The following PTPN4 variants were observed in gnomAD, a reference collection of about 807,000 sequenced individuals.
PTPN4 encodes the protein tyrosine-protein phosphatase non-receptor type 4.
Under a neutral mutation model 135.5 loss-of-function variants are expected in PTPN4, and 49 were observed. That is an observed-to-expected ratio of 0.36 (90% confidence interval 0.29 to 0.46). PTPN4 has a LOEUF of 0.46. Among genes scored for constraint, PTPN4 ranks in the 20% least tolerant of loss-of-function variants. PTPN4 has a pLI of 1.00. For missense variants in PTPN4, 860 were observed against 1,101.0 expected (o/e 0.78, Z 3.10); for synonymous variants, 333 against 369.9 (o/e 0.90, Z 1.14).
At chr2:119,764,282 T>G (rs868505710) in intron 1 of PTPN4, among the ~76,000 whole-genome samples, 1 of 152,220 alleles carries the variant, frequency 6.6e-6, no homozygotes, top group Non-Finnish European at 1.5e-5. Context: ...AAAGGCCATA[T>G]TTTAACATGC....
intron 1 of PTPN4, among the ~76,000 whole-genome samples, chr2:119,805,113 G>A (rs1282904689): frequency 1.3e-5 from 2 of 152,044 alleles, no homozygotes; most frequent in African/African-American, 2.4e-5. Flanking sequence ...CATATCCTTT[G>A]CCCACTTTTT....
chr2:119,797,568 A>T (rs1427704949), intron 1 of PTPN4, among the ~76,000 whole-genome samples: 1 of 152,184 alleles, frequency 6.6e-6, no homozygotes, highest in Non-Finnish European at 1.5e-5. Flanking sequence ...GGTCAAGAAG[A>T]TCCAGCTGAT....
At chr2:119,787,103 A>G (rs1404592291) in intron 1 of PTPN4, among the ~76,000 whole-genome samples, 1 of 152,142 alleles carries the variant, frequency 6.6e-6, no homozygotes, top group East Asian at 1.9e-4. Flanking sequence ...ACACGTGTGC[A>G]TGTGTGTGCA....
At chr2:119,842,841 T>G (rs1677401991) in intron 2 of PTPN4, among the ~76,000 whole-genome samples, 1 of 151,892 alleles carries the variant, frequency 6.6e-6, no homozygotes, top group African/African-American at 2.4e-5. Context: ...CTATCACCAG[T>G]TTTTACATGC....
At chr2:119,916,230 C>T in intron 11 of PTPN4, 1 of 147,486 alleles carries the variant, frequency 6.8e-6, no homozygotes, top group Non-Finnish European at 1.5e-5. Flanking sequence ...CCTTTGGGTA[C>T]AGTGGTGGCT....
intron 1 of PTPN4, among the ~76,000 whole-genome samples, chr2:119,765,428 C>T (rs1349136043): frequency 4.6e-5 from 7 of 152,128 alleles, no homozygotes; most frequent in Admixed American, 3.9e-4. Context: ...TATTTCTGTG[C>T]CAGATCTCTC....
chr2:119,877,559 A>G lies in PTPN4; in HGVS notation c.368+17A>G. Reference sequence around the variant, plus strand: ...ATATACAAGGTGGGTTTATGGATATATTTTTCTTGAAAATATTGTCAAAAC... The same window carrying G: ...ATATACAAGGTGGGTTTATGGATATGTTTTTCTTGAAAATATTGTCAAAAC... On this transcript the variant is annotated intron_variant, in intron 5 of 26. Transcript: ENST00000263708. 1.3e-6 allele frequency: 2 copies of G among 1,563,526 alleles called. No individual in the cohort carries two copies. The highest frequency in any genetic ancestry group is 2.4e-5 in the South Asian group (2 of 82,390).
At chr2:119,968,274 A>G (rs995711186) in intron 26 of PTPN4, among the ~76,000 whole-genome samples, 1 of 152,204 alleles carries the variant, frequency 6.6e-6, no homozygotes, top group Admixed American at 6.5e-5. Flanking sequence ...TTTCTAAAAT[A>G]TATTTAATAT....
chr2:119,976,292 C>T (rs1183368545), intron 26 of PTPN4, among the ~76,000 whole-genome samples: 3 of 152,058 alleles, frequency 2.0e-5, no homozygotes, highest in South Asian at 2.1e-4. Context: ...CCACCGCACC[C>T]GGCCAAGAAA....
intron 24 of PTPN4, among the ~76,000 whole-genome samples, chr2:119,964,671 T>G (rs1436094151): frequency 6.6e-6 from 1 of 152,192 alleles, no homozygotes; most frequent in Non-Finnish European, 1.5e-5. Flanking sequence ...ATATAGAAAT[T>G]GAGTTATAAA....
chr2:119,900,740 T>A lies in PTPN4; in HGVS notation c.698T>A (p.Met233Lys). The change falls in exon 10 of 27, where the codon ATG becomes AAG. Residue 233 changes from methionine to lysine, a missense_variant. By Grantham distance (95) the Met-to-Lys change is moderately conservative. Transcript: ENST00000263708. The stretch of plus-strand genomic sequence containing the variant: ...AAGGATCAGAGTAACAATGAAATTA[T>A]GATTGGAGTGATGTCAGGAGGAATT... ...YARDQSNNEIMIGVMSGGILI... is the reference protein window; with the variant it reads ...YARDQSNNEIKIGVMSGGILI... 6.3e-7 allele frequency: 1 copy of A among 1,581,562 alleles called. No individual in the cohort carries two copies. Among genetic ancestry groups the A allele is most frequent in the Non-Finnish European group, 8.6e-7 (1 of 1,163,146 alleles).
intron 2 of PTPN4, among the ~76,000 whole-genome samples, chr2:119,833,449 G>A (rs964312255): frequency 4.6e-5 from 7 of 151,722 alleles, no homozygotes; most frequent in African/African-American, 7.3e-5. Context: ...AAATCCTTTT[G>A]TATCTTTAAT....
chr2:119,906,898 A>G (rs190871795), intron 10 of PTPN4, among the ~76,000 whole-genome samples: 127 of 152,344 alleles, frequency 8.3e-4, no homozygotes, highest in African/African-American at 3.0e-3. Flanking sequence ...AGAAAACCTG[A>G]TCATAAAGAA....
At chr2:119,777,825 T>A (rs1365422184) in intron 1 of PTPN4, among the ~76,000 whole-genome samples, 3 of 152,060 alleles carry the variant, frequency 2.0e-5, no homozygotes, top group Admixed American at 2.0e-4. Flanking sequence ...CAGCTAATTT[T>A]TTTTTTTCCC....
chr2:119,839,313 C>T (rs959474653), intron 2 of PTPN4, among the ~76,000 whole-genome samples: 1 of 152,128 alleles, frequency 6.6e-6, no homozygotes, highest in South Asian at 2.1e-4. Context: ...ATAGTAGATG[C>T]TCAATATATA....
At chr2:119,964,910 C>T (rs778762761) in intron 24 of PTPN4, among the ~76,000 whole-genome samples, 3 of 152,096 alleles carry the variant, frequency 2.0e-5, no homozygotes, top group East Asian at 1.9e-4. Flanking sequence ...CAATAACAGA[C>T]GAATACACTG....
rs946121344 is a variant in PTPN4 at position 119,981,299 on chromosome 2, A to T, written c.*4229A>T. The T allele has an allele frequency of 9.9e-5, 15 of 152,116 alleles. No homozygotes were observed. Among genetic ancestry groups the T allele is most frequent in the African/African-American group, 3.6e-4 (15 of 41,444 alleles). 9.4% of individuals were successfully genotyped at this position (152,116 alleles called of 1,614,324 possible). ...CTGCTTTGATGAAAGCTGGTGCATTATGTGAGCTGCCACAGTTAATACTTT... is the reference window on the plus strand; with the variant it reads ...CTGCTTTGATGAAAGCTGGTGCATTTTGTGAGCTGCCACAGTTAATACTTT... On this transcript the variant is annotated 3_prime_UTR_variant, in exon 27 of 27. Transcript: ENST00000263708.
intron 2 of PTPN4, among the ~76,000 whole-genome samples, chr2:119,834,987 T>C (rs1260578903): frequency 1.3e-5 from 2 of 152,236 alleles, no homozygotes; most frequent in African/African-American, 2.4e-5. Context: ...CTGACTTACA[T>C]ATAGACAGCA....
Position 119,983,557 on chromosome 2 carries a change from G to A in PTPN4, c.*6487G>A, listed in dbSNP as rs918161198. The A allele has an allele frequency of 6.6e-6, 1 of 152,022 alleles. No homozygotes were observed. The highest frequency in any genetic ancestry group is 1.5e-5 in the Non-Finnish European group (1 of 67,994). 9.4% of individuals were successfully genotyped at this position (152,022 alleles called of 1,614,324 possible). A position where few individuals can be genotyped will look rare whatever the true frequency, so the allele number is the denominator to read the frequency against. The stretch of plus-strand genomic sequence containing the variant: ...ATTTCAATGCTAAATTTGATTTTTT[G>A]AATTTTAAATAGTTGCACTTTATTT... On this transcript the variant is annotated 3_prime_UTR_variant, in exon 27 of 27. Transcript: ENST00000263708.
Sources: gnomAD v4.1 joint callset for allele counts (sites outside exome capture counted in the v4.1 genomes callset) on GRCh38, gnomAD v4.1.1 for gene constraint, MANE v1.5 for transcripts, NCBI Gene and HGNC (gene_info 2026-07-23, HGNC 2026-07-21) for gene names.